EPN2: variants seen among roughly 807,000 people sequenced by gnomAD.
EPN2 encodes epsin 2, also known as epsin-2.
EPN2 carries 34 observed loss-of-function variants against 61.7 expected under a neutral mutation model. The observed-to-expected ratio is 0.55, with a 90% CI of 0.42 to 0.73. The LOEUF (loss-of-function observed/expected upper bound fraction) is 0.73. Ranked by LOEUF, EPN2 falls within the 30% of genes least tolerant of loss-of-function variation. The probability of loss-of-function intolerance (pLI) is 0.00; values close to 1 mark genes in which losing one functional copy is unlikely to be tolerated. For synonymous variants in EPN2, 349 were observed against 353.6 expected (o/e 0.99, Z 0.15); for missense variants, 714 against 839.2 (o/e 0.85, Z 1.84).
At chr17:19,327,111 G>A (rs111666497) in intron 7 of EPN2, among the ~76,000 whole-genome samples, 4 of 152,278 alleles carry the variant, frequency 2.6e-5, no homozygotes, top group South Asian at 2.1e-4. Context: ...ACATAAACTC[G>A]TGCCACCATG....
intron 8 of EPN2, 104 bp downstream of exon 8, chr17:19,328,991 T>A (rs1205199894): frequency 1.9e-6 from 2 of 1,053,134 alleles, no homozygotes; most frequent in African/African-American, 3.2e-5. Context: ...TTGCTTGCAT[T>A]TGCTCCCCTC....
At chr17:19,266,285 T>C (rs942533409) in intron 1 of EPN2, among the ~76,000 whole-genome samples, 11 of 152,216 alleles carry the variant, frequency 7.2e-5, no homozygotes, top group African/African-American at 2.7e-4. Context: ...TCCTCAAAAG[T>C]TAAACGTGTA....
intron 4 of EPN2, among the ~76,000 whole-genome samples, chr17:19,307,292 T>C (rs1040619515): frequency 6.6e-6 from 1 of 152,116 alleles, no homozygotes; most frequent in Non-Finnish European, 1.5e-5. Flanking sequence ...GAAAAATACA[T>C]TTATGTTTTT....
intron 1 of EPN2, among the ~76,000 whole-genome samples, chr17:19,240,391 G>T (rs937181560): frequency 6.6e-6 from 1 of 152,116 alleles, no homozygotes. Context: ...GACTACAGGC[G>T]TGTGCCACCA....
rs80146870 is a variant in EPN2 at position 19,254,773 on chromosome 17, C to T, written c.-294+17242C>T. On this transcript the variant is annotated intron_variant, in intron 1 of 10. Coordinates refer to ENST00000314728, the MANE Select transcript of EPN2 (RefSeq NM_014964.5). ...GATCAACAGCCTCTGGGACTTTTCC[C>T]CACTCCTGAGTTACAGGGACAGACT... Among the ~76,000 whole-genome samples the T allele has an allele frequency of 6.5e-3, 991 of 152,168 alleles. 54 individuals are homozygous for T. In the East Asian group the frequency reaches 0.12, roughly 18 times the overall value.
chr17:19,287,341 AT>A (rs946664822), intron 4 of EPN2, among the ~76,000 whole-genome samples: 4 of 152,028 alleles, frequency 2.6e-5, no homozygotes, highest in African/African-American at 9.6e-5. Context: ...AAAAATGAGT[AT>A]TTTTTTCTTT....
At chr17:19,279,389 G>A (rs781632444) in intron 1 of EPN2, among the ~76,000 whole-genome samples, 1 of 152,192 alleles carries the variant, frequency 6.6e-6, no homozygotes, top group African/African-American at 2.4e-5. Context: ...CCAGATGGGG[G>A]AGGGCAGCAG....
rs758733429 is a variant in EPN2 at position 19,313,106 on chromosome 17, A to G, written c.974A>G (p.His325Arg). Residue 325 changes from histidine (H) to arginine (R), a missense_variant and splice_region_variant, in exon 7 of 11, where the codon CAT becomes CGT. This residue lies in a region of EPN2 where 410 missense variants were observed against 421.8 expected (regional missense o/e 0.97). Coordinates refer to ENST00000314728, the MANE Select transcript of EPN2 (RefSeq NM_014964.5). ...DTVKIPKKKE[H>R]GSLPQQTTLL... ...GTCCCCTTCTCTTTGTCTTAAAAGCATGGCTCTCTCCCACAGCAGACTACG... is the reference window on the plus strand; with the variant it reads ...GTCCCCTTCTCTTTGTCTTAAAAGCGTGGCTCTCTCCCACAGCAGACTACG... The G allele has an allele frequency of 1.2e-6, 2 of 1,613,256 alleles. No homozygotes were observed. Among genetic ancestry groups the G allele is most frequent in the South Asian group, 1.1e-5 (1 of 91,044 alleles).
At chr17:19,308,550 G>A in intron 4 of EPN2, 1 of 985,382 alleles carries the variant, frequency 1.0e-6, no homozygotes, top group Non-Finnish European at 1.2e-6. Context: ...GTCTGACACA[G>A]CATCAGGATG....
At chr17:19,297,520 T>C (rs1314379320) in intron 4 of EPN2, among the ~76,000 whole-genome samples, 1 of 152,266 alleles carries the variant, frequency 6.6e-6, no homozygotes, top group African/African-American at 2.4e-5. Flanking sequence ...TTGCAGCTGG[T>C]AGCTGAGACC....
chr17:19,266,905 T>G lies in EPN2; in HGVS notation c.-293-15050T>G, dbSNP rs1275027771. Among the ~76,000 whole-genome samples the G allele has an allele frequency of 3.4e-5, 5 of 147,392 alleles. No individual in the cohort carries two copies. The East Asian group carries it at 1.1e-3, about 32-fold the overall frequency. On this transcript the variant is annotated intron_variant, in intron 1 of 10. Transcript: ENST00000314728. Reference sequence around the variant, plus strand: ...GGATGAACCTTGAAAACACTGAACCTGCCGGGCACGGTGGCTCAGGCCTGT... The same window carrying G: ...GGATGAACCTTGAAAACACTGAACCGGCCGGGCACGGTGGCTCAGGCCTGT...
chr17:19,309,928 C>G lies in EPN2; in HGVS notation c.810C>G (p.Pro270=), dbSNP rs1207876027. ...CCTCCGAGCTGGAGCAAGCCCGGCC[C>G]CAGACTAGTGGAGAAGAGGAGCTTC... The part of the protein sequence containing the change: ...RVSSELEQAR[P]QTSGEEELQL... The change falls in exon 5 of 11, where the codon CCC becomes CCG. Residue 270 remains proline, a synonymous_variant. Transcript: ENST00000314728. 1 of 1,609,554 alleles carries G rather than the reference C, an allele frequency of 6.2e-7. No individual in the cohort carries two copies.
chr17:19,286,123 AC>A (rs1196419963), intron 4 of EPN2, among the ~76,000 whole-genome samples: 1 of 152,146 alleles, frequency 6.6e-6, no homozygotes, highest in African/African-American at 2.4e-5. Context: ...TATCAGGCCC[AC>A]CCATGGTGGT....
chr17:19,293,787 A>G (rs181001861), intron 4 of EPN2, among the ~76,000 whole-genome samples: 1 of 152,000 alleles, frequency 6.6e-6, no homozygotes, highest in African/African-American at 2.4e-5. Flanking sequence ...TGTTCTCAGA[A>G]TTGAAACAGT....
In EPN2 at chr17:19,293,351, C is replaced by T. The variant is rs918919643; in HGVS notation, c.766+7561C>T. ...GCCGAGATCACTCCAGCCTGGGTGACAAGAGCGAAACTCCATCTCAAAAAA... is the reference window on the plus strand; with the variant it reads ...GCCGAGATCACTCCAGCCTGGGTGATAAGAGCGAAACTCCATCTCAAAAAA... On this transcript the variant is annotated intron_variant, in intron 4 of 10. Transcript: ENST00000314728. Among the ~76,000 whole-genome samples, 24 of 127,392 alleles carry T rather than the reference C, an allele frequency of 1.9e-4. No individual in the cohort carries two copies. The South Asian group carries it at 6.2e-3, about 33-fold the overall frequency. 83.6% of individuals were successfully genotyped at this position (127,392 alleles called of 152,430 possible). A position where few individuals can be genotyped will look rare whatever the true frequency, so the allele number is the denominator to read the frequency against.
chr17:19,293,372 A>G (rs1433010657), intron 4 of EPN2, among the ~76,000 whole-genome samples: 2 of 141,004 alleles, frequency 1.4e-5, no homozygotes, highest in Admixed American at 1.4e-4. Flanking sequence ...CTCCATCTCA[A>G]AAAAAAAAAA....
At position 19,328,822 on chromosome 17, in the gene EPN2, G is replaced by A; in HGVS notation, c.1259G>A (p.Ser420Asn). The change falls in exon 8 of 11, where the codon AGT (serine) becomes AAT (asparagine). Residue 420 changes from serine (S) to asparagine (N), a missense_variant. Coordinates refer to ENST00000314728, the MANE Select transcript of EPN2 (RefSeq NM_014964.5). ...PWAASQQPAS[S>N]AGKRASDAWG... ...GCAGCTTCACAGCAGCCTGCCTCCA[G>A]TGCTGGGAAAAGAGCTTCTGACGCG... 6.2e-7 allele frequency: 1 copy of A among 1,613,612 alleles called. No homozygotes were observed. Among genetic ancestry groups the A allele is most frequent in the Non-Finnish European group, 8.5e-7 (1 of 1,179,696 alleles).
Position 19,328,886 on chromosome 17 carries a change from T to C in EPN2, c.1323T>C (p.Ser441=). The C allele has an allele frequency of 6.2e-7, 1 of 1,607,890 alleles. No individual in the cohort carries two copies. Among genetic ancestry groups the C allele is most frequent in the Non-Finnish European group, 8.5e-7 (1 of 1,176,404 alleles). ...AVSTTKPVSV[S]GSFELFSNLN... ...CCACCACCAAGCCCGTGTCTGTCTC[T>C]GGTGAGCCCCTCACTCACCCACTTT... The change falls in exon 8 of 11, where the codon TCT becomes TCC. Residue 441 remains serine (S), a splice_region_variant and synonymous_variant. Transcript: ENST00000314728.
chr17:19,267,555 T>A (rs4924965), intron 1 of EPN2, among the ~76,000 whole-genome samples: 8,526 of 149,836 alleles, frequency 0.057, 609 homozygotes, highest in East Asian at 0.27. Context: ...TTTTTTTTTT[T>A]AAAAAAAGAC....
Sources: allele counts gnomAD v4.1 joint callset (sites outside exome capture counted in the v4.1 genomes callset), GRCh38; gene constraint gnomAD v4.1.1; regional missense constraint gnomAD v4.1.1; transcripts MANE v1.5; gene names NCBI Gene and HGNC (gene_info 2026-07-23, HGNC 2026-07-21).